The following SVOP variants were observed in gnomAD, a reference collection of about 807,000 sequenced individuals.
SVOP encodes synaptic vesicle 2-related protein.
Under a neutral mutation model 69.1 loss-of-function variants are expected in SVOP, and 17 were observed. That is an observed-to-expected ratio of 0.25 (90% CI 0.17 to 0.37). The LOEUF is 0.37. Ranked by LOEUF, SVOP falls within the 10% of genes least tolerant of loss-of-function variation. The probability of loss-of-function intolerance (pLI) is 1.00; values close to 1 mark genes in which losing one functional copy is unlikely to be tolerated. For synonymous variants in SVOP, 238 were observed against 238.6 expected (o/e 1.00, Z 0.02); for missense variants, 435 against 597.5 (o/e 0.73, Z 2.84).
rs866289523 is a variant in SVOP, at chr12:108,972,416, C to T, written c.442G>A (p.Gly148Ser). ...TAAGTTTGCCTTACTGTTTTCCTGCCGTACTGGTCTGAGATATTTCCCCAG... is the reference window on the plus strand; with the variant it reads ...TAAGTTTGCCTTACTGTTTTCCTGCTGTACTGGTCTGAGATATTTCCCCAG... Reference protein sequence around the residue: ...TLWGNISDQYGRKTGLKISVL... With the variant: ...TLWGNISDQYSRKTGLKISVL... Residue 148 changes from glycine to serine, a missense_variant, in exon 5 of 16, where the codon GGC becomes AGC. Coordinates refer to ENST00000610966, the MANE Select transcript of SVOP (RefSeq NM_018711.5). 6.5e-7 allele frequency: 1 copy of T among 1,537,150 alleles called. No individual in the cohort carries two copies. The highest frequency in any genetic ancestry group is 8.7e-7 in the Non-Finnish European group (1 of 1,146,886).
chr12:108,934,592 C>T (rs538127335), intron 10 of SVOP, among the ~76,000 whole-genome samples: 24 of 152,264 alleles, frequency 1.6e-4, no homozygotes, highest in African/African-American at 5.1e-4. Context: ...CAGATGGTTA[C>T]GCATTTTAAG....
intron 4 of SVOP, among the ~76,000 whole-genome samples, chr12:108,974,687 C>T (rs1279764711): frequency 4.6e-5 from 7 of 151,220 alleles, no homozygotes; most frequent in African/African-American, 7.3e-5. Context: ...GACAAAATCA[C>T]GCCACTATAC....
At chr12:108,997,047 T>C (rs1188975554) in intron 1 of SVOP, among the ~76,000 whole-genome samples, 4 of 152,146 alleles carry the variant, frequency 2.6e-5, no homozygotes, top group Non-Finnish European at 4.4e-5. Flanking sequence ...CCATCTGAGG[T>C]ACCGGGTTCA....
intron 14 of SVOP, among the ~76,000 whole-genome samples, chr12:108,917,355 T>C (rs10778663): frequency 0.36 from 54,407 of 152,036 alleles, 10,404 homozygotes; most frequent in South Asian, 0.58. Flanking sequence ...TATTTCAATT[T>C]ACTCAATTAC....
At chr12:108,919,882 G>T (rs1299487868) in intron 12 of SVOP, 96 bp from the exon 13 acceptor site, 4 of 804,444 alleles carry the variant, frequency 5.0e-6, no homozygotes, top group Non-Finnish European at 8.1e-6. Context: ...TCCCCTGGAG[G>T]GTGGACTAGA....
chr12:108,918,587 TCCTCAGAC>T (rs1322641161), intron 13 of SVOP, among the ~76,000 whole-genome samples: 1 of 152,148 alleles, frequency 6.6e-6, no homozygotes, highest in Non-Finnish European at 1.5e-5. Flanking sequence ...CTCCCAATCT[TCCTCAGAC>T]CAGGAGGTGG....
chr12:108,994,643 A>C (rs2040221322), intron 1 of SVOP, among the ~76,000 whole-genome samples: 1 of 152,224 alleles, frequency 6.6e-6, no homozygotes, highest in African/African-American at 2.4e-5. Context: ...GAGGGGCGGC[A>C]AGCTCGCCCA....
chr12:108,917,959 A>T, intron 14 of SVOP, 84 bp downstream of exon 14: 1 of 1,177,196 alleles, frequency 8.5e-7, no homozygotes, highest in Non-Finnish European at 1.2e-6. Flanking sequence ...CATTCTTTTT[A>T]ATGGTTTCTG....
At chr12:108,921,381 C>T (rs946935046) in intron 12 of SVOP, among the ~76,000 whole-genome samples, 2 of 152,108 alleles carry the variant, frequency 1.3e-5, no homozygotes. Context: ...GAAGCAAACC[C>T]TGAGACAAGG....
At chr12:108,976,235 T>G (rs2040105623) in intron 4 of SVOP, among the ~76,000 whole-genome samples, 1 of 152,060 alleles carries the variant, frequency 6.6e-6, no homozygotes, top group African/African-American at 2.4e-5. Flanking sequence ...GCCATGAAAC[T>G]CTTCCCACTG....
At chr12:108,922,555 A>C (rs1162528447) in intron 12 of SVOP, 135 bp downstream of exon 12, 2 of 663,966 alleles carry the variant, frequency 3.0e-6, no homozygotes, top group African/African-American at 3.6e-5. Flanking sequence ...CTTATAGTTA[A>C]GGATTGAAAA....
At chr12:109,011,739 T>C (rs1297179284) in intron 1 of SVOP, among the ~76,000 whole-genome samples, 2 of 152,254 alleles carry the variant, frequency 1.3e-5, no homozygotes, top group East Asian at 3.9e-4. Context: ...CAAGGAAATG[T>C]GGTATAAACA....
In SVOP at chr12:108,996,613, C is replaced by A. The variant is rs561774893; in HGVS notation, c.36-12852G>T. Reference sequence around the variant, plus strand: ...TGTGGTTCTGAACCAGAGGCCCCAGCAATCCCTTAGGAGCTTGTTAGAAAG... The same window carrying A: ...TGTGGTTCTGAACCAGAGGCCCCAGAAATCCCTTAGGAGCTTGTTAGAAAG... On this transcript the variant is annotated intron_variant, in intron 1 of 15. Coordinates refer to ENST00000610966, the MANE Select transcript of SVOP (RefSeq NM_018711.5). 2.3e-3 allele frequency among the ~76,000 whole-genome samples: 349 copies of A among 151,980 alleles called. 1 individual carries two copies. The highest frequency in any genetic ancestry group is 3.4e-3 in the Non-Finnish European group (232 of 67,962).
chr12:109,006,522 G>A (rs1408215505), intron 1 of SVOP, among the ~76,000 whole-genome samples: 1 of 152,218 alleles, frequency 6.6e-6, no homozygotes, highest in African/African-American at 2.4e-5. Context: ...GGTTTGTCAG[G>A]AGGCAGAGGG....
chr12:108,960,800 C>A, intron 6 of SVOP, 123 bp downstream of exon 6: 3 of 1,208,964 alleles, frequency 2.5e-6, no homozygotes, highest in East Asian at 5.2e-5. Flanking sequence ...ATCCTGGAAG[C>A]CCTGGTATAG....
intron 12 of SVOP, 92 bp downstream of exon 12, chr12:108,922,598 G>C (rs1264212857): frequency 1.1e-6 from 1 of 886,950 alleles, no homozygotes; most frequent in Non-Finnish European, 1.8e-6. Flanking sequence ...AATGGGATTT[G>C]CTTCCAGGTA....
At chr12:108,915,692 G>T (rs1030308643) in intron 15 of SVOP, 91 bp downstream of exon 15, 2 of 1,336,314 alleles carry the variant, frequency 1.5e-6, no homozygotes, top group Non-Finnish European at 2.0e-6. Flanking sequence ...TGCAACCCGA[G>T]GGCTCTGGGG....
At chr12:108,976,907 G>A (rs559642214) in intron 4 of SVOP, among the ~76,000 whole-genome samples, 78 of 152,144 alleles carry the variant, frequency 5.1e-4, no homozygotes, top group Non-Finnish European at 9.1e-4. Flanking sequence ...GAGCCACTAC[G>A]CCCAGCCCAT....
At chr12:108,975,533 A>G (rs553930879) in intron 4 of SVOP, among the ~76,000 whole-genome samples, 2 of 152,342 alleles carry the variant, frequency 1.3e-5, no homozygotes, top group South Asian at 4.1e-4. Flanking sequence ...TGTAGAAGTG[A>G]CAGTAATAAA....
Sources: allele counts gnomAD v4.1 joint callset (sites outside exome capture counted in the v4.1 genomes callset), GRCh38; gene constraint gnomAD v4.1.1; transcripts MANE v1.5; gene names NCBI Gene and HGNC (gene_info 2026-07-23, HGNC 2026-07-21).